AATK: variants seen among roughly 807,000 people sequenced by gnomAD.
AATK encodes the protein serine/threonine-protein kinase LMTK1.
Under a neutral mutation model 114.3 loss-of-function variants are expected in AATK, and 91 were observed. The ratio of observed to expected loss-of-function variants is 0.80; its 90% confidence interval spans 0.67 to 0.95. The LOEUF is 0.95. AATK is among the 40% of genes least tolerant of loss of function. The pLI, the probability that AATK is intolerant of heterozygous loss-of-function variation, is 0.00. For missense variants in AATK, 2,176 were observed against 1,965.2 expected (o/e 1.11, Z -2.03); for synonymous variants, 1,075 against 916.5 (o/e 1.17, Z -3.12).
At chr17:81,145,240 AAAAAAAAAAAG>A (rs1004000285) in intron 1 of AATK, among the ~76,000 whole-genome samples, 8 of 126,388 alleles carry the variant, frequency 6.3e-5, no homozygotes, top group African/African-American at 2.5e-4. Flanking sequence ...CCATCAAAAA[AAAAAAAAAAAG>A]AAAAAGAAAA....
At chr17:81,165,813 T>C in intron 1 of AATK, 125 bp downstream of exon 1, 2 of 1,502,400 alleles carry the variant, frequency 1.3e-6, no homozygotes, top group Non-Finnish European at 1.8e-6. Context: ...CGGCTGCTTC[T>C]GCTGCTGGGC....
intron 1 of AATK, among the ~76,000 whole-genome samples, chr17:81,141,936 C>CTTCCT (rs1555597565): frequency 1.6e-5 from 1 of 63,566 alleles, no homozygotes; most frequent in African/African-American, 5.7e-5. Flanking sequence ...TCCTTCCTTC[C>CTTCCT]TTCCTTCCTT....
rs1568220046 is a variant in AATK, at chr17:81,121,541, CGGAA to C, written c.2391_2394del (p.Val799ProfsTer45). On this transcript the variant is annotated frameshift_variant, in exon 11 of 14. Coordinates refer to ENST00000326724, the MANE Select transcript of AATK (RefSeq NM_001080395.3). LOFTEE classifies it high-confidence loss of function. ...GCTCCCTCCTGGGATGGGGAGGGGACGGAAGGAAGGGGCAGGCGGGGTCCGGTAG... is the reference window on the plus strand; with the variant it reads ...GCTCCCTCCTGGGATGGGGAGGGGACGGAAGGGGCAGGCGGGGTCCGGTAG... 4 of 1,533,086 alleles carry C rather than the reference CGGAA, an allele frequency of 2.6e-6. No individual in the cohort carries two copies. The highest frequency in any genetic ancestry group is 1.4e-5 in the African/African-American group (1 of 72,730). The allele number at this position is 1,533,086 out of a possible 1,614,324, so 95.0% of individuals were successfully genotyped here. A position where few individuals can be genotyped will look rare whatever the true frequency, so the allele number is the denominator to read the frequency against.
At chr17:81,118,502 G>A (rs907661986) in intron 13 of AATK, 60 bp from the exon 14 acceptor site, 46 of 1,556,738 alleles carry the variant, frequency 3.0e-5, no homozygotes, top group East Asian at 4.7e-5. Context: ...TGCCTCCCCC[G>A]CAACTCCCAC....
At chr17:81,159,628 A>G (rs975195461) in intron 1 of AATK, among the ~76,000 whole-genome samples, 8 of 152,092 alleles carry the variant, frequency 5.3e-5, no homozygotes. Context: ...CCCCTTGTTC[A>G]GAGTCACTAA....
Position 81,122,233 on chromosome 17 carries a change from G to A in AATK, c.1703C>T (p.Thr568Ile). The A allele has an allele frequency of 6.7e-7, 1 of 1,493,254 alleles. No homozygotes were observed. The highest frequency in any genetic ancestry group is 8.9e-7 in the Non-Finnish European group (1 of 1,123,446). The allele number at this position is 1,493,254 out of a possible 1,614,324, so 92.5% of individuals were successfully genotyped here. A position where few individuals can be genotyped will look rare whatever the true frequency, so the allele number is the denominator to read the frequency against. The change falls in exon 11 of 14, where the codon ACC (threonine) becomes ATC (isoleucine). Residue 568 changes from threonine (T) to isoleucine (I), a missense_variant. By Grantham distance (89) the Thr-to-Ile change is moderately conservative. Coordinates refer to ENST00000326724, the MANE Select transcript of AATK (RefSeq NM_001080395.3). ...CGGCTCCATGGCCAGCGAGGCGGCG[G>A]TGCTGCCGTCAGAGTCGTCGTCCTG... is the stretch of plus-strand genomic sequence containing the variant. ...ADQDDDSDGSTAASLAMEPLL... is the reference protein window; with the variant it reads ...ADQDDDSDGSIAASLAMEPLL...
intron 1 of AATK, among the ~76,000 whole-genome samples, chr17:81,164,365 C>A (rs1449580036): frequency 6.6e-6 from 1 of 152,200 alleles, no homozygotes; most frequent in African/African-American, 2.4e-5. Flanking sequence ...TCCTCACCAG[C>A]ACCAGCACCT....
intron 1 of AATK, among the ~76,000 whole-genome samples, chr17:81,159,025 A>G (rs1175717402): frequency 6.6e-6 from 1 of 152,234 alleles, no homozygotes; most frequent in Admixed American, 6.5e-5. Context: ...CCAGGGGCCC[A>G]GAGACCGAGA....
chr17:81,127,010 C>T (rs1371458217), intron 6 of AATK, among the ~76,000 whole-genome samples: 1 of 148,284 alleles, frequency 6.7e-6, no homozygotes, highest in Non-Finnish European at 1.5e-5. Flanking sequence ...AGCCCAGCCA[C>T]AGACAGCCTC....
At chr17:81,138,330 C>A (rs1484464607) in intron 1 of AATK, among the ~76,000 whole-genome samples, 1 of 150,428 alleles carries the variant, frequency 6.6e-6, no homozygotes, top group African/African-American at 2.5e-5. Context: ...CACATACCCA[C>A]ACATGCACAC....
At chr17:81,118,579 G>C (rs527394201) in intron 13 of AATK, 137 bp from the exon 14 acceptor site, 538 of 850,048 alleles carry the variant, frequency 6.3e-4, no homozygotes, top group Middle Eastern at 2.3e-3. Flanking sequence ...GCTGTGTCTA[G>C]GTGAGAGATG....
chr17:81,119,567 C>G lies in AATK; in HGVS notation c.3897G>C (p.Ala1299=), dbSNP rs767738101. Residue 1299 remains alanine (A), a synonymous_variant, in exon 13 of 14, where the codon GCG becomes GCC. Coordinates refer to ENST00000326724, the MANE Select transcript of AATK (RefSeq NM_001080395.3). ...TCATCAGCGGGAAGTCGTCGTCCCA[C>G]GCGAACCCACCACCTGCAGCCCAGG... The part of the protein sequence containing the change: ...GSTAEEGGGF[A]WDDDFPLMTA... The G allele has an allele frequency of 4.1e-5, 64 of 1,574,288 alleles. No homozygotes were observed. The South Asian group carries it at 7.1e-4, about 18-fold the overall frequency.
At chr17:81,160,794 C>A (rs916269239) in intron 1 of AATK, among the ~76,000 whole-genome samples, 3 of 152,242 alleles carry the variant, frequency 2.0e-5, no homozygotes, top group Admixed American at 6.5e-5. Flanking sequence ...GAAAAGCCTA[C>A]CCCGGAAGAA....
At position 81,141,870 on chromosome 17, in the gene AATK, G is replaced by A. The variant is rs370998476; in HGVS notation, c.56-7369C>T. 3.9e-5 allele frequency among the ~76,000 whole-genome samples: 6 copies of A among 152,342 alleles called. No individual in the cohort carries two copies. In the East Asian group the frequency reaches 9.6e-4, roughly 24 times the overall value. Reference sequence around the variant, plus strand: ...ACCCTAGAGGCCTCTAGTGCCAGCAGTTACTTACTTTTTTTCTTTCTTTCT... The same window carrying A: ...ACCCTAGAGGCCTCTAGTGCCAGCAATTACTTACTTTTTTTCTTTCTTTCT... On this transcript the variant is annotated intron_variant, in intron 1 of 13. Coordinates refer to ENST00000326724, the MANE Select transcript of AATK (RefSeq NM_001080395.3).
intron 1 of AATK, among the ~76,000 whole-genome samples, chr17:81,138,916 C>G (rs1320906366): frequency 4.0e-5 from 6 of 151,626 alleles, no homozygotes; most frequent in African/African-American, 1.5e-4. Flanking sequence ...CATGCGTAGA[C>G]AGATACCACA....
At chr17:81,142,929 G>T (rs1053856216) in intron 1 of AATK, among the ~76,000 whole-genome samples, 1 of 152,252 alleles carries the variant, frequency 6.6e-6, no homozygotes, top group African/African-American at 2.4e-5. Context: ...CAGTGGAAAG[G>T]ACAGGAGGCT....
chr17:81,150,782 C>A (rs1414921881), intron 1 of AATK, among the ~76,000 whole-genome samples: 1 of 152,186 alleles, frequency 6.6e-6, no homozygotes. Flanking sequence ...AGCAGGTGGG[C>A]CTCGGCAGGG....
chr17:81,121,991 C>T lies in AATK; in HGVS notation c.1945G>A (p.Gly649Arg), dbSNP rs1598906125. The change falls in exon 11 of 14, where the codon GGG becomes AGG. Residue 649 changes from glycine (G) to arginine (R), a missense_variant. Coordinates refer to ENST00000326724, the MANE Select transcript of AATK (RefSeq NM_001080395.3). ...GGCAGCGGGGGCGCCCCTGAGCTCCCCAAAGGGGACGTGCCCAGTGGGTCC... is the reference window on the plus strand; with the variant it reads ...GGCAGCGGGGGCGCCCCTGAGCTCCTCAAAGGGGACGTGCCCAGTGGGTCC... ...FEDPLGTSPL[G>R]SSGAPPLPLT... is the part of the protein sequence containing the mutation. The T allele has an allele frequency of 2.5e-6, 4 of 1,602,004 alleles. No homozygotes were observed. Among genetic ancestry groups the T allele is most frequent in the Non-Finnish European group, 3.4e-6 (4 of 1,179,110 alleles).
chr17:81,161,134 G>T (rs1035042423), intron 1 of AATK, among the ~76,000 whole-genome samples: 1 of 152,200 alleles, frequency 6.6e-6, no homozygotes, highest in East Asian at 1.9e-4. Flanking sequence ...ACCCCCAGAT[G>T]TGTGTCCTGG....
Sources: gnomAD v4.1 joint callset for allele counts (sites outside exome capture counted in the v4.1 genomes callset) on GRCh38, gnomAD v4.1.1 for gene constraint, MANE v1.5 for transcripts, NCBI Gene and HGNC (gene_info 2026-07-23, HGNC 2026-07-21) for gene names.